Variants in ANKFY1 observed in about 807,000 individuals in gnomAD.
ANKFY1 encodes the protein ankyrin repeat and FYVE domain containing 1.
Under a neutral mutation model 128.3 loss-of-function variants are expected in ANKFY1, and 47 were observed. That is an observed-to-expected ratio of 0.37 (90% CI 0.29 to 0.47). The LOEUF (loss-of-function observed/expected upper bound fraction) is 0.47. Among genes scored for constraint, ANKFY1 ranks in the 20% least tolerant of loss-of-function variants. The probability of loss-of-function intolerance (pLI) is 1.00; values close to 1 mark genes in which losing one functional copy is unlikely to be tolerated. For synonymous variants in ANKFY1, 553 were observed against 601.6 expected, an observed-to-expected ratio of 0.92 and a Z score of 1.18; for missense variants, 1,222 against 1,510.6, an observed-to-expected ratio of 0.81 and a Z score of 3.17.
At chr17:4,198,662 G>A (rs1323512760) in intron 7 of ANKFY1, among the ~76,000 whole-genome samples, 2 of 152,090 alleles carry the variant, frequency 1.3e-5, no homozygotes, top group Non-Finnish European at 2.9e-5. Flanking sequence ...GTGAGCCACC[G>A]TGCCCGGCCT....
chr17:4,201,337 GTC>G (rs1214117698), intron 7 of ANKFY1, among the ~76,000 whole-genome samples: 9 of 152,216 alleles, frequency 5.9e-5, no homozygotes, highest in Admixed American at 2.6e-4. Flanking sequence ...CAGGCCGATT[GTC>G]TCTTTTTCAA....
chr17:4,196,652 T>A (rs1440984411), intron 8 of ANKFY1, among the ~76,000 whole-genome samples: 1 of 152,150 alleles, frequency 6.6e-6, no homozygotes, highest in East Asian at 1.9e-4. Flanking sequence ...AGTGGGAGTG[T>A]TTACGAGAAG....
chr17:4,186,963 G>A (rs770321049), intron 11 of ANKFY1: 190 of 1,193,708 alleles, frequency 1.6e-4, no homozygotes, highest in Non-Finnish European at 1.9e-4. Flanking sequence ...CTCCTGGCCA[G>A]TTTCCTCTGT....
rs2059561375 is a variant in ANKFY1 at position 4,183,837 on chromosome 17, A to G, written c.1773T>C (p.Thr591=). 2 of 1,613,514 alleles carry G rather than the reference A, an allele frequency of 1.2e-6. No individual in the cohort carries two copies. Among genetic ancestry groups the G allele is most frequent in the Non-Finnish European group, 1.7e-6 (2 of 1,179,520 alleles). The change falls in exon 13 of 25, where the codon ACT becomes ACC. Residue 591 remains threonine (T), a synonymous_variant. Coordinates refer to ENST00000341657, the MANE Select transcript of ANKFY1 (RefSeq NM_001330063.2). The part of the protein sequence containing the change: ...DFSLKDSRDQ[T]VLGLALWTGM... ...CAGTCCATAATGCCAGGCCCAGCAC[A>G]GTCTGGTCTCGGGAATCTTTGAGGC... is the stretch of plus-strand genomic sequence containing the variant.
At chr17:4,176,557 A>C (rs1271535256) in intron 19 of ANKFY1, among the ~76,000 whole-genome samples, 5 of 152,168 alleles carry the variant, frequency 3.3e-5, no homozygotes, top group Non-Finnish European at 7.3e-5. Context: ...CAACTCTACT[A>C]AAACTTCAAC....
intron 1 of ANKFY1, among the ~76,000 whole-genome samples, chr17:4,245,544 T>C (rs1448412183): frequency 6.6e-6 from 1 of 151,664 alleles, no homozygotes; most frequent in Non-Finnish European, 1.5e-5. Context: ...CCTTGCTATG[T>C]TGCCAGGGCT....
intron 3 of ANKFY1, among the ~76,000 whole-genome samples, chr17:4,220,120 C>A (rs538447620): frequency 6.6e-6 from 1 of 152,130 alleles, no homozygotes; most frequent in African/African-American, 2.4e-5. Flanking sequence ...CCACCCTGCC[C>A]GGCCAGTAGT....
intron 1 of ANKFY1, among the ~76,000 whole-genome samples, chr17:4,255,243 CTTTTTTTTTTT>C (rs1177087196): frequency 1.7e-5 from 2 of 119,898 alleles, no homozygotes; most frequent in Admixed American, 8.3e-5. Flanking sequence ...TCATGTAATT[CTTTTTTTTTTT>C]TTTTTTTTTT....
intron 1 of ANKFY1, among the ~76,000 whole-genome samples, chr17:4,248,011 G>T (rs1024420709): frequency 6.6e-6 from 1 of 152,156 alleles, no homozygotes; most frequent in South Asian, 2.1e-4. Context: ...CCCAGAGCTC[G>T]CATTCCAGAG....
At chr17:4,249,467 A>G (rs1365199513) in intron 1 of ANKFY1, among the ~76,000 whole-genome samples, 1 of 152,198 alleles carries the variant, frequency 6.6e-6, no homozygotes, top group Non-Finnish European at 1.5e-5. Flanking sequence ...TTCTTAGCTT[A>G]AGGACTGCAT....
At position 4,202,665 on chromosome 17, in the gene ANKFY1, T is replaced by C. The variant is rs530627482; in HGVS notation, c.898+3656A>G. On this transcript the variant is annotated intron_variant, in intron 7 of 24. Coordinates refer to ENST00000341657, the MANE Select transcript of ANKFY1 (RefSeq NM_001330063.2). ...TGAGTCGAGATTGTGCCACTGCACT[T>C]CAGCCTGGGCGACAGAGCGAAACTC... 3.2e-3 allele frequency among the ~76,000 whole-genome samples: 392 copies of C among 123,542 alleles called. 1 individual carries two copies. Among genetic ancestry groups the C allele is most frequent in the African/African-American group, 0.012 (375 of 31,722 alleles). 81.0% of individuals were successfully genotyped at this position (123,542 alleles called of 152,430 possible).
At chr17:4,239,534 T>C (rs1967094399) in intron 2 of ANKFY1, among the ~76,000 whole-genome samples, 1 of 152,170 alleles carries the variant, frequency 6.6e-6, no homozygotes, top group Non-Finnish European at 1.5e-5. Context: ...GTTATTTGCA[T>C]CCTCGAAATT....
Position 4,242,317 on chromosome 17 carries a change from C to G in ANKFY1, c.142G>C (p.Glu48Gln), listed in dbSNP as rs779067805. ...GCCAGCAGACGGCTGATGAAGGACT[C>G]GCTGCTGCTCTCCTTGTTTGCCTGC... ...AAQANKESSS[E>Q]SFISRLLAIV... The change falls in exon 2 of 25, where the codon GAG becomes CAG. Residue 48 changes from glutamate (E) to glutamine (Q), a missense_variant. Physicochemically the swap from Glu to Gln is conservative, Grantham distance 29. Transcript: ENST00000341657. 1.3e-6 allele frequency: 2 copies of G among 1,596,108 alleles called. No homozygotes were observed. The highest frequency in any genetic ancestry group is 3.5e-5 in the Admixed American group (2 of 56,380).
intron 9 of ANKFY1, 34 bp from the exon 10 acceptor site, chr17:4,195,211 A>G (rs750254914): frequency 6.4e-7 from 1 of 1,566,846 alleles, no homozygotes; most frequent in African/African-American, 1.4e-5. Flanking sequence ...CAGCACATAC[A>G]ATCTTTTTGA....
chr17:4,222,376 CT>C (rs1197089476), intron 3 of ANKFY1: 5 of 783,246 alleles, frequency 6.4e-6, no homozygotes, highest in Non-Finnish European at 1.2e-5. Flanking sequence ...GTCCTTTAAT[CT>C]GTTAGTACCC....
intron 3 of ANKFY1, among the ~76,000 whole-genome samples, chr17:4,233,571 C>T (rs539039208): frequency 2.6e-5 from 4 of 152,306 alleles, no homozygotes; most frequent in African/African-American, 4.8e-5. Context: ...AGACAGAGTT[C>T]GCTCACAGTT....
chr17:4,233,254 T>C (rs1383194952), intron 3 of ANKFY1, among the ~76,000 whole-genome samples: 2 of 152,188 alleles, frequency 1.3e-5, no homozygotes, highest in Admixed American at 6.5e-5. Flanking sequence ...ATTCTGTTCA[T>C]ATAATCAAGA....
At chr17:4,215,504 C>CTCATT (rs2060206885) in intron 4 of ANKFY1, among the ~76,000 whole-genome samples, 2 of 152,068 alleles carry the variant, frequency 1.3e-5, no homozygotes, top group Admixed American at 6.6e-5. Flanking sequence ...TTATCTCAAG[C>CTCATT]ATGTAATTCC....
intron 7 of ANKFY1, among the ~76,000 whole-genome samples, chr17:4,201,043 G>T (rs1355998875): frequency 6.6e-6 from 1 of 152,018 alleles, no homozygotes; most frequent in East Asian, 1.9e-4. Context: ...TTGGTTTTTG[G>T]TTTTTGAGAC....
Sources: gnomAD v4.1 joint callset for allele counts (sites outside exome capture counted in the v4.1 genomes callset) on GRCh38, gnomAD v4.1.1 for gene constraint, MANE v1.5 for transcripts, NCBI Gene and HGNC (gene_info 2026-07-23, HGNC 2026-07-21) for gene names.